MAVS: variants seen among roughly 807,000 people sequenced by gnomAD.
MAVS encodes the protein mitochondrial antiviral signaling protein, also known as mitochondrial antiviral-signaling protein.
In MAVS, 20 loss-of-function variants were observed where a neutral mutation model predicts 30.2. That is an observed-to-expected ratio of 0.66 (90% CI 0.47 to 0.96). The LOEUF (loss-of-function observed/expected upper bound fraction) is 0.96. Ranked by LOEUF, MAVS falls within the 40% of genes least tolerant of loss-of-function variation. The probability of loss-of-function intolerance (pLI) is 0.00; values close to 1 mark genes in which losing one functional copy is unlikely to be tolerated. For missense variants in MAVS, 624 were observed against 701.1 expected, an observed-to-expected ratio of 0.89 and a Z score of 1.24; for synonymous variants, 278 against 293.9, an observed-to-expected ratio of 0.95 and a Z score of 0.55.
intron 1 of MAVS, among the ~76,000 whole-genome samples, chr20:3,847,997 A>G (rs1452769081): frequency 6.6e-6 from 1 of 152,186 alleles, no homozygotes; most frequent in Non-Finnish European, 1.5e-5. Context: ...TTTGGGCCAC[A>G]TCATCCCTTC....
Position 3,866,721 on chromosome 20 carries a change from G to A in MAVS, c.*574G>A. 2.8e-6 allele frequency: 1 copy of A among 362,660 alleles called. No homozygotes were observed. The highest frequency in any genetic ancestry group is 2.1e-5 in the African/African-American group (1 of 46,920). 22.5% of individuals were successfully genotyped at this position (362,660 alleles called of 1,614,324 possible). ...CCCACTGGGCCCCCTCCCCTGCTGGGCAATCCTGGGAAGGTCTGGAGGTTC... is the reference window on the plus strand; with the variant it reads ...CCCACTGGGCCCCCTCCCCTGCTGGACAATCCTGGGAAGGTCTGGAGGTTC... On this transcript the variant is annotated 3_prime_UTR_variant, in exon 7 of 7. Transcript: ENST00000428216.
rs182811011 is a variant in MAVS, at chr20:3,848,245, T to C, written c.-68+1342T>C. Among the ~76,000 whole-genome samples, 867 of 152,080 alleles carry C rather than the reference T, an allele frequency of 5.7e-3. 2 individuals are homozygous for C. Among genetic ancestry groups the C allele is most frequent in the Non-Finnish European group, 0.01 (693 of 67,956 alleles). On this transcript the variant is annotated intron_variant, in intron 1 of 6. Transcript: ENST00000428216. Reference sequence around the variant, plus strand: ...TCCTGAGTAGCTGGGACTACAGGTGTGTGCCACCATGCCTGGCTAATTTTT... The same window carrying C: ...TCCTGAGTAGCTGGGACTACAGGTGCGTGCCACCATGCCTGGCTAATTTTT...
At position 3,855,526 on chromosome 20, in the gene MAVS, G is replaced by A. The variant is rs117511161; in HGVS notation, c.117+785G>A. ...CCTGGCACTCACTAGCTGGTGAAACGGGCACAACCCCTCCCCGTTGTAGCT... is the reference window on the plus strand; with the variant it reads ...CCTGGCACTCACTAGCTGGTGAAACAGGCACAACCCCTCCCCGTTGTAGCT... On this transcript the variant is annotated intron_variant, in intron 2 of 6. Coordinates refer to ENST00000428216, the MANE Select transcript of MAVS (RefSeq NM_020746.5). Among the ~76,000 whole-genome samples the A allele has an allele frequency of 6.4e-3, 968 of 152,162 alleles. 6 individuals carry two copies. The highest frequency in any genetic ancestry group is 0.018 in the South Asian group (86 of 4,820).
At chr20:3,857,555 C>T (rs1322504049) in intron 2 of MAVS, 80 bp from the exon 3 acceptor site, 2 of 1,481,676 alleles carry the variant, frequency 1.3e-6, no homozygotes, top group African/African-American at 3.7e-5. Context: ...GCACCCCTCC[C>T]CCCGCTGTGG....
intron 2 of MAVS, among the ~76,000 whole-genome samples, 153 bp from the exon 3 acceptor site, chr20:3,857,482 C>T (rs1334595232): frequency 6.6e-6 from 1 of 152,242 alleles, no homozygotes; most frequent in African/African-American, 2.4e-5. Flanking sequence ...TCACTCCATA[C>T]CTGGCCCTGT....
At chr20:3,859,979 G>A (rs1211639217) in intron 3 of MAVS, among the ~76,000 whole-genome samples, 1 of 151,368 alleles carries the variant, frequency 6.6e-6, no homozygotes, top group Non-Finnish European at 1.5e-5. Context: ...ACCATGCCCG[G>A]CTAACTTTTT....
chr20:3,857,050 A>G lies in MAVS; in HGVS notation c.118-585A>G, dbSNP rs571255361. Among the ~76,000 whole-genome samples, 1,439 of 151,100 alleles carry G rather than the reference A, an allele frequency of 9.5e-3. 17 individuals are homozygous for G. Among genetic ancestry groups the G allele is most frequent in the Non-Finnish European group, 0.017 (1,133 of 67,862 alleles). ...GACTCCGTCTGAAAAAAAAAAAAAA[A>G]AAAGAAACAAAAAAACTCTGCAGCC... On this transcript the variant is annotated intron_variant, in intron 2 of 6. Transcript: ENST00000428216.
chr20:3,849,158 G>A (rs2089735937), intron 1 of MAVS, among the ~76,000 whole-genome samples: 1 of 151,100 alleles, frequency 6.6e-6, no homozygotes, highest in Admixed American at 6.6e-5. Context: ...AGTGGCCCCT[G>A]CCACCTCCTT....
At position 3,861,350 on chromosome 20, in the gene MAVS, C is replaced by A. The variant is rs1406337501; in HGVS notation, c.311C>A (p.Pro104Gln). The stretch of plus-strand genomic sequence containing the variant: ...CCTCTAGGGACCTCGGACCGTCCCC[C>A]AGACCCACTGGAGCCACCGTCACTT... ...SYQPRTSDRP[P>Q]DPLEPPSLPA... Residue 104 changes from proline to glutamine, a missense_variant, in exon 4 of 7, where the codon CCA becomes CAA. Coordinates refer to ENST00000428216, the MANE Select transcript of MAVS (RefSeq NM_020746.5). 1 of 1,613,630 alleles carries A rather than the reference C, an allele frequency of 6.2e-7. No individual in the cohort carries two copies. Among genetic ancestry groups the A allele is most frequent in the African/African-American group, 1.3e-5 (1 of 74,928 alleles).
At position 3,865,641 on chromosome 20, in the gene MAVS, T is replaced by C. The variant is rs1466979256; in HGVS notation, c.1159-42T>C. ...GACCGCCCTACCAGGTTCGTCTCCC[T>C]GCCAACCCCAGTCCCTTCCAGTGCT... On this transcript the variant is annotated intron_variant, in intron 6 of 6. Transcript: ENST00000428216. This position sits in a 1 kb window ranked among gnomAD's most constrained non-coding sequence, Gnocchi z 4.7. 6.5e-7 allele frequency: 1 copy of C among 1,530,772 alleles called. No homozygotes were observed. Among genetic ancestry groups the C allele is most frequent in the Admixed American group, 2.1e-5 (1 of 48,598 alleles). The allele number at this position is 1,530,772 out of a possible 1,614,324, so 94.8% of individuals were successfully genotyped here. A position where few individuals can be genotyped will look rare whatever the true frequency, so the allele number is the denominator to read the frequency against.
At chr20:3,859,465 G>A (rs559544797) in intron 3 of MAVS, among the ~76,000 whole-genome samples, 62 of 146,758 alleles carry the variant, frequency 4.2e-4, no homozygotes, top group African/African-American at 1.0e-3. Flanking sequence ...CCGAGATTGC[G>A]CCACTGCACT....
intron 1 of MAVS, among the ~76,000 whole-genome samples, chr20:3,848,831 C>G (rs919916479): frequency 6.6e-6 from 1 of 152,192 alleles, no homozygotes; most frequent in Admixed American, 6.6e-5. Flanking sequence ...GGTAAAAGGG[C>G]ACCTTCCATC....
Position 3,871,486 on chromosome 20 carries a change from AT to A in MAVS, c.*5340del, listed in dbSNP as rs1462802549. ...TGTCCCAGAGAGGTGATGATGAATGATGGGTGTGTCCAGTGGCAGTTTGCCC... is the reference window on the plus strand; with the variant it reads ...TGTCCCAGAGAGGTGATGATGAATGAGGGTGTGTCCAGTGGCAGTTTGCCC... On this transcript the variant is annotated 3_prime_UTR_variant, in exon 7 of 7. Transcript: ENST00000428216. The A allele has an allele frequency of 6.5e-6, 1 of 152,724 alleles. No individual in the cohort carries two copies. The highest frequency in any genetic ancestry group is 1.5e-5 in the Non-Finnish European group (1 of 68,080). The allele number at this position is 152,724 out of a possible 1,614,324, so 9.5% of individuals were successfully genotyped here. A position where few individuals can be genotyped will look rare whatever the true frequency, so the allele number is the denominator to read the frequency against.
Position 3,861,205 on chromosome 20 carries a change from C to G in MAVS, c.293-127C>G. ...TAGAGATGGGGTTTCACTGTGTTAG[C>G]CAGGGTGGTCTCGATCTGACCTCGT... On this transcript the variant is annotated intron_variant, in intron 3 of 6. Transcript: ENST00000428216. 5.0e-6 allele frequency: 4 copies of G among 804,684 alleles called. No individual in the cohort carries two copies. The South Asian group carries it at 7.1e-5, about 14-fold the overall frequency. The allele number at this position is 804,684 out of a possible 1,614,324, so 49.8% of individuals were successfully genotyped here. A position where few individuals can be genotyped will look rare whatever the true frequency, so the allele number is the denominator to read the frequency against.
rs2089713189 is a variant in MAVS at position 3,846,847 on chromosome 20, G to A, written c.-124G>A. The A allele has an allele frequency of 6.6e-6, 1 of 152,344 alleles. No homozygotes were observed. Among genetic ancestry groups the A allele is most frequent in the Non-Finnish European group, 1.5e-5 (1 of 68,126 alleles). 9.4% of individuals were successfully genotyped at this position (152,344 alleles called of 1,614,324 possible). On this transcript the variant is annotated 5_prime_UTR_variant, in exon 1 of 7. Coordinates refer to ENST00000428216, the MANE Select transcript of MAVS (RefSeq NM_020746.5). ...TGCCCGCCCCGCCTCCTCGCTGCGG[G>A]AAGGGTCCTGGGCCCCGGGCGGCGG...
In MAVS at chr20:3,864,520, A is replaced by T. The variant is rs769876421; in HGVS notation, c.890A>T (p.Lys297Ile). The T allele has an allele frequency of 1.8e-5, 29 of 1,613,932 alleles. No homozygotes were observed. The East Asian group carries it at 5.3e-4, about 30-fold the overall frequency. ...AEAPANSLPS[K>I]VPTTLMPVNT... ...GCACCTGCCAACTCTCTGCCCTCCA[A>T]AGTGCCTACCACCTTGATGCCTGTG... The change falls in exon 6 of 7, where the codon AAA (lysine) becomes ATA (isoleucine). Residue 297 changes from lysine to isoleucine, a missense_variant. Coordinates refer to ENST00000428216, the MANE Select transcript of MAVS (RefSeq NM_020746.5).
At position 3,866,551 on chromosome 20, in the gene MAVS, G is replaced by T. The variant is rs186142938; in HGVS notation, c.*404G>T. On this transcript the variant is annotated 3_prime_UTR_variant, in exon 7 of 7. Coordinates refer to ENST00000428216, the MANE Select transcript of MAVS (RefSeq NM_020746.5). The stretch of plus-strand genomic sequence containing the variant: ...CTCTCCTGTTGCATTGGTCCCTGAA[G>T]GCCTCAGGGCAGGTATGTGGTGTGT... The T allele has an allele frequency of 4.2e-5, 14 of 331,566 alleles. No homozygotes were observed. The highest frequency in any genetic ancestry group is 7.5e-5 in the Non-Finnish European group (13 of 172,216). The allele number at this position is 331,566 out of a possible 1,614,324, so 20.5% of individuals were successfully genotyped here.
Position 3,869,261 on chromosome 20 carries a change from C to T in MAVS, c.*3114C>T, listed in dbSNP as rs1205979685. On this transcript the variant is annotated 3_prime_UTR_variant, in exon 7 of 7. Transcript: ENST00000428216. Reference sequence around the variant, plus strand: ...GATCTCAGCTCACTGCGACCTCCACCTCCTGGGTTCAGGCCATTCTCCCGC... The same window carrying T: ...GATCTCAGCTCACTGCGACCTCCACTTCCTGGGTTCAGGCCATTCTCCCGC... The T allele has an allele frequency of 1.3e-5, 2 of 151,980 alleles. No individual in the cohort carries two copies. The highest frequency in any genetic ancestry group is 4.8e-5 in the African/African-American group (2 of 41,380). 9.4% of individuals were successfully genotyped at this position (151,980 alleles called of 1,614,324 possible).
chr20:3,860,236 C>T (rs1231808224), intron 3 of MAVS, among the ~76,000 whole-genome samples: 2 of 147,664 alleles, frequency 1.4e-5, no homozygotes, highest in Non-Finnish European at 3.0e-5. Flanking sequence ...CCCCCAATTC[C>T]TTTTTTTTTG....
Sources: allele counts gnomAD v4.1 joint callset (sites outside exome capture counted in the v4.1 genomes callset), GRCh38; gene constraint gnomAD v4.1.1; non-coding constraint Gnocchi (gnomAD v3.1); transcripts MANE v1.5; gene names NCBI Gene and HGNC (gene_info 2026-07-23, HGNC 2026-07-21).